Variants in MGAT4C observed in about 807,000 individuals in gnomAD.
MGAT4C encodes alpha-1,3-mannosyl-glycoprotein 4-beta-N-acetylglucosaminyltransferase C.
Under a neutral mutation model 40.1 loss-of-function variants are expected in MGAT4C, and 19 were observed. That is an observed-to-expected ratio of 0.47 (90% CI 0.33 to 0.70). The LOEUF (loss-of-function observed/expected upper bound fraction) is 0.70. Among genes scored for constraint, MGAT4C ranks in the 30% least tolerant of loss-of-function variants. MGAT4C has a pLI of 0.02. For missense variants in MGAT4C, 491 were observed against 563.2 expected (o/e 0.87, Z 1.30); for synonymous variants, 181 against 187.1 (o/e 0.97, Z 0.27).
intron 4 of MGAT4C, among the ~76,000 whole-genome samples, chr12:86,322,557 A>G (rs1954421957): frequency 6.6e-6 from 1 of 152,044 alleles, no homozygotes; most frequent in African/African-American, 2.4e-5. Flanking sequence ...ATTGTTTAGA[A>G]AAAAATGAAT....
chr12:85,995,126 G>T (rs895801482), intron 2 of MGAT4C, among the ~76,000 whole-genome samples: 8 of 152,108 alleles, frequency 5.3e-5, no homozygotes, highest in Non-Finnish European at 5.9e-5. Context: ...ACAACAGGCA[G>T]CACAGGGCAA....
At chr12:86,312,661 CTATA>C (rs1021438057) in intron 4 of MGAT4C, among the ~76,000 whole-genome samples, 1 of 151,622 alleles carries the variant, frequency 6.6e-6, no homozygotes. Context: ...TTATGAAAAC[CTATA>C]TATATATAAT....
At chr12:86,194,518 G>A (rs1291571051) in intron 1 of MGAT4C, among the ~76,000 whole-genome samples, 1 of 151,186 alleles carries the variant, frequency 6.6e-6, no homozygotes, top group Non-Finnish European at 1.5e-5. Context: ...GCAATGGTGC[G>A]ATCTTGGCTC....
chr12:86,825,323 C>A (rs574682381), intron 1 of MGAT4C, among the ~76,000 whole-genome samples: 1 of 151,292 alleles, frequency 6.6e-6, no homozygotes, highest in East Asian at 2.0e-4. Flanking sequence ...GAAAACTTTT[C>A]AGATATTACA....
chr12:86,189,355 T>C (rs1454309384), intron 1 of MGAT4C, among the ~76,000 whole-genome samples: 2 of 151,938 alleles, frequency 1.3e-5, no homozygotes, highest in African/African-American at 4.8e-5. Flanking sequence ...AGATGTAATA[T>C]ATTTATGTCT....
intron 2 of MGAT4C, among the ~76,000 whole-genome samples, chr12:86,593,632 C>G (rs564696764): frequency 6.6e-6 from 1 of 152,154 alleles, no homozygotes; most frequent in South Asian, 2.1e-4. Flanking sequence ...TTGAATCATT[C>G]CTTACTTAGC....
chr12:86,184,736 G>GT (rs1425251281), intron 1 of MGAT4C, among the ~76,000 whole-genome samples: 1 of 34,328 alleles, frequency 2.9e-5, no homozygotes, highest in African/African-American at 1.1e-4. Flanking sequence ...TTTTTCTCCT[G>GT]TTAAAAAAAA....
At chr12:86,117,868 T>G in intron 1 of MGAT4C, among the ~76,000 whole-genome samples, 1 of 152,154 alleles carries the variant, frequency 6.6e-6, no homozygotes, top group Non-Finnish European at 1.5e-5. Flanking sequence ...GCAGTCAAAC[T>G]GCCTTGAAAT....
chr12:86,791,437 T>TG (rs199734065), intron 1 of MGAT4C, among the ~76,000 whole-genome samples: 4,701 of 144,894 alleles, frequency 0.032, 198 homozygotes, highest in African/African-American at 0.095. Context: ...AACTGTTTTT[T>TG]TTTTTTTTTT....
intron 1 of MGAT4C, among the ~76,000 whole-genome samples, chr12:86,819,420 A>G (rs4558226): frequency 0.17 from 25,084 of 150,726 alleles, 2,206 homozygotes; most frequent in Middle Eastern, 0.3. Context: ...GAAAAAAACT[A>G]TACTGCAAAT....
At chr12:85,996,482 G>T (rs535158770) in intron 2 of MGAT4C, among the ~76,000 whole-genome samples, 1 of 152,256 alleles carries the variant, frequency 6.6e-6, no homozygotes, top group South Asian at 2.1e-4. Context: ...GATCATAAAT[G>T]TTGTAAGGCA....
In MGAT4C at chr12:86,348,517, G is replaced by T. The variant is rs545697124; in HGVS notation, c.-119-14390C>A. Among the ~76,000 whole-genome samples the T allele has an allele frequency of 2.3e-4, 35 of 152,112 alleles. No individual in the cohort carries two copies. In the South Asian group the frequency reaches 6.8e-3, roughly 30 times the overall value. ...ATGCTTAAGTAATTTCCTCACAAAA[G>T]GATGTATTTCAAAATAAATTGCATA... On this transcript the variant is annotated intron_variant, in intron 3 of 7. Coordinates refer to the MGAT4C transcript ENST00000548651.
At position 86,419,889 on chromosome 12, in the gene MGAT4C, A is replaced by G. The variant is rs573301479; in HGVS notation, c.-120+15268T>C. Reference sequence around the variant, plus strand: ...AAAGCATGGGTAGAAATTACTTTGTATGTTATGTGTTAAGTGCAGCAGCAA... The same window carrying G: ...AAAGCATGGGTAGAAATTACTTTGTGTGTTATGTGTTAAGTGCAGCAGCAA... On this transcript the variant is annotated intron_variant, in intron 3 of 7. Coordinates refer to the MGAT4C transcript ENST00000548651. Among the ~76,000 whole-genome samples the G allele has an allele frequency of 1.5e-4, 23 of 152,296 alleles. No homozygotes were observed. The South Asian group carries it at 4.6e-3, about 30-fold the overall frequency.
chr12:86,704,629 A>G (rs1950424079), intron 2 of MGAT4C, among the ~76,000 whole-genome samples: 2 of 152,094 alleles, frequency 1.3e-5, no homozygotes. Flanking sequence ...CACTTCAGCT[A>G]TTTCCTTCAG....
At chr12:86,278,597 T>C (rs530377621) in intron 4 of MGAT4C, among the ~76,000 whole-genome samples, 2 of 152,358 alleles carry the variant, frequency 1.3e-5, no homozygotes, top group East Asian at 3.9e-4. Context: ...AGTAATTTCT[T>C]GGTGGAGTCC....
chr12:86,582,740 T>C (rs546662335), intron 2 of MGAT4C, among the ~76,000 whole-genome samples: 7 of 151,338 alleles, frequency 4.6e-5, no homozygotes, highest in Admixed American at 2.6e-4. Flanking sequence ...CTGGTTCAAT[T>C]ATGCTTAAAT....
At chr12:86,473,017 G>A (rs1325541562) in intron 2 of MGAT4C, among the ~76,000 whole-genome samples, 2 of 151,990 alleles carry the variant, frequency 1.3e-5, no homozygotes, top group African/African-American at 4.8e-5. Context: ...GTGCAATGGT[G>A]CAATCTCAGC....
intron 2 of MGAT4C, among the ~76,000 whole-genome samples, chr12:86,669,182 C>A (rs1270732155): frequency 6.6e-6 from 1 of 152,108 alleles, no homozygotes; most frequent in Admixed American, 6.5e-5. Context: ...AGTTGCCCCA[C>A]CCTTCCTGGA....
intron 2 of MGAT4C, among the ~76,000 whole-genome samples, chr12:86,590,353 T>G (rs1961276195): frequency 6.6e-6 from 1 of 151,598 alleles, no homozygotes; most frequent in Non-Finnish European, 1.5e-5. Flanking sequence ...GCCCCTGTCT[T>G]TCTGCTTTCA....
Sources: allele counts gnomAD v4.1 joint callset (sites outside exome capture counted in the v4.1 genomes callset), GRCh38; gene constraint gnomAD v4.1.1; transcripts MANE v1.5; gene names NCBI Gene and HGNC (gene_info 2026-07-23, HGNC 2026-07-21).